The following WNT3 variants were observed in gnomAD, a reference collection of about 807,000 sequenced individuals.
The protein encoded by WNT3 is Wnt family member 3.
In WNT3, 7 loss-of-function variants were observed where a neutral mutation model predicts 34.2. The ratio of observed to expected loss-of-function variants is 0.20; its 90% CI spans 0.12 to 0.38. The LOEUF (loss-of-function observed/expected upper bound fraction) is 0.38. Ranked by LOEUF, WNT3 falls within the 10% of genes least tolerant of loss-of-function variation. The probability of loss-of-function intolerance (pLI) is 1.00; values close to 1 mark genes in which losing one functional copy is unlikely to be tolerated. For synonymous variants in WNT3, 212 were observed against 211.5 expected (o/e 1.00, Z -0.02); for missense variants, 267 against 499.8 (o/e 0.53, Z 4.44).
intron 1 of WNT3, among the ~76,000 whole-genome samples, chr17:46,789,117 G>T (rs560994736): frequency 1.3e-5 from 2 of 152,200 alleles, no homozygotes; most frequent in Admixed American, 6.5e-5. Context: ...AGCACAGTGC[G>T]TGGGGCACTC....
intron 1 of WNT3, among the ~76,000 whole-genome samples, chr17:46,788,456 T>C (rs1456875656): frequency 6.6e-6 from 1 of 152,118 alleles, no homozygotes; most frequent in East Asian, 1.9e-4. Context: ...CCAGTTCTGG[T>C]AAAAGACAAG....
At chr17:46,771,463 G>A (rs1192941769) in intron 2 of WNT3, among the ~76,000 whole-genome samples, 1 of 149,870 alleles carries the variant, frequency 6.7e-6, no homozygotes, top group Non-Finnish European at 1.5e-5. Flanking sequence ...CCGGGCCCCG[G>A]GCCGCGCTGG....
At chr17:46,777,214 A>T (rs199518) in intron 1 of WNT3, among the ~76,000 whole-genome samples, 1 of 151,726 alleles carries the variant, frequency 6.6e-6, no homozygotes, top group East Asian at 1.9e-4. Flanking sequence ...CGTCTCAAAA[A>T]AAAAAAAGAA....
In WNT3 at chr17:46,768,842, G is replaced by A. The variant is rs201164463; in HGVS notation, c.589-43C>T. 4.9e-5 allele frequency: 79 copies of A among 1,600,164 alleles called. No individual in the cohort carries two copies. The highest frequency in any genetic ancestry group is 6.2e-5 in the Non-Finnish European group (73 of 1,175,360). ...CAGCTGGCCAACAGACCGACCCCAC[G>A]AGGGGGCACATCCAGGCCTTCCCTC... On this transcript the variant is annotated intron_variant, in intron 3 of 4. Transcript: ENST00000225512. This position sits in a 1 kb window ranked among gnomAD's most constrained non-coding sequence, Gnocchi z 5.0.
chr17:46,803,968 G>A (rs2084160029), intron 1 of WNT3, among the ~76,000 whole-genome samples: 1 of 152,150 alleles, frequency 6.6e-6, no homozygotes, highest in Non-Finnish European at 1.5e-5. Flanking sequence ...GGTAAAGCGT[G>A]TTTTCCCTTA....
chr17:46,816,119 A>ACACACACACG (rs151269919), intron 1 of WNT3, among the ~76,000 whole-genome samples: 1 of 150,552 alleles, frequency 6.6e-6, no homozygotes, highest in African/African-American at 2.4e-5. Context: ...ACGTACACAC[A>ACACACACACG]CACACACACA....
chr17:46,812,533 C>G (rs529856442), intron 1 of WNT3, among the ~76,000 whole-genome samples: 1 of 152,162 alleles, frequency 6.6e-6, no homozygotes. Flanking sequence ...AGCCCCCTGG[C>G]TCTAGGTCCC....
At chr17:46,815,115 C>T (rs1446938608) in intron 1 of WNT3, among the ~76,000 whole-genome samples, 4 of 152,112 alleles carry the variant, frequency 2.6e-5, no homozygotes, top group Admixed American at 1.3e-4. Context: ...GCACGTCCAT[C>T]GCTGGAATGT....
chr17:46,778,568 A>G (rs1159946407), intron 1 of WNT3, among the ~76,000 whole-genome samples: 1 of 151,808 alleles, frequency 6.6e-6, no homozygotes, highest in African/African-American at 2.4e-5. Flanking sequence ...CTGAAATTCC[A>G]CCATCGCAGA....
Position 46,764,058 on chromosome 17 carries a change from T to C in WNT3, c.*572A>G, listed in dbSNP as rs1318077743. ...CCTACTCTAACAACTGCCACGGACCTTCCTACCACTTCATCCTAGCTAAAC... is the reference window on the plus strand; with the variant it reads ...CCTACTCTAACAACTGCCACGGACCCTCCTACCACTTCATCCTAGCTAAAC... On this transcript the variant is annotated 3_prime_UTR_variant, in exon 5 of 5. Coordinates refer to ENST00000225512, the MANE Select transcript of WNT3 (RefSeq NM_030753.5). 1 of 152,208 alleles carries C rather than the reference T, an allele frequency of 6.6e-6. No homozygotes were observed. Among genetic ancestry groups the C allele is most frequent in the Non-Finnish European group, 1.5e-5 (1 of 68,042 alleles). The allele number at this position is 152,208 out of a possible 1,614,324, so 9.4% of individuals were successfully genotyped here. A position where few individuals can be genotyped will look rare whatever the true frequency, so the allele number is the denominator to read the frequency against.
rs1223588575 is a variant in WNT3, at chr17:46,775,609, C to CTT, written c.81-1702_81-1701dup. On this transcript the variant is annotated intron_variant, in intron 1 of 4. Transcript: ENST00000225512. ...GAGAAAGAAGCAGCAGCCAGAAGTT[C>CTT]TTTTTTTTTTTTTTTTTTTTTTGAG... 6.0e-3 allele frequency among the ~76,000 whole-genome samples: 664 copies of CTT among 111,490 alleles called. 10 individuals carry two copies. The highest frequency in any genetic ancestry group is 0.015 in the African/African-American group (407 of 26,844). The allele number at this position is 111,490 out of a possible 152,430, so 73.1% of individuals were successfully genotyped here. A position where few individuals can be genotyped will look rare whatever the true frequency, so the allele number is the denominator to read the frequency against.
At chr17:46,779,281 G>C (rs184402647) in intron 1 of WNT3, among the ~76,000 whole-genome samples, 24 of 152,358 alleles carry the variant, frequency 1.6e-4, no homozygotes, top group Admixed American at 1.2e-3. Flanking sequence ...CGCTGAGGAA[G>C]TTCCTACGTT....
intron 1 of WNT3, among the ~76,000 whole-genome samples, chr17:46,789,501 T>A (rs1218568422): frequency 6.6e-6 from 1 of 152,174 alleles, no homozygotes; most frequent in African/African-American, 2.4e-5. Flanking sequence ...TAGAATGGTA[T>A]GAGATGATGC....
chr17:46,762,779 C>T lies in WNT3; in HGVS notation c.*1851G>A, dbSNP rs1426173742. 1 of 152,112 alleles carries T rather than the reference C, an allele frequency of 6.6e-6. No individual in the cohort carries two copies. Among genetic ancestry groups the T allele is most frequent in the Admixed American group, 6.6e-5 (1 of 15,250 alleles). 9.4% of individuals were successfully genotyped at this position (152,112 alleles called of 1,614,324 possible). ...ACTATTACCTGACTACGGCGAGAAT[C>T]ATTACAATGCACTCATGTACTATTA... is the stretch of plus-strand genomic sequence containing the variant. On this transcript the variant is annotated 3_prime_UTR_variant, in exon 5 of 5. Transcript: ENST00000225512.
chr17:46,798,038 C>G (rs1052375102), intron 1 of WNT3, among the ~76,000 whole-genome samples: 1 of 152,170 alleles, frequency 6.6e-6, no homozygotes, highest in Non-Finnish European at 1.5e-5. Flanking sequence ...AAGCGATTCT[C>G]CTGCCTCAGC....
chr17:46,768,697 C>G lies in WNT3; in HGVS notation c.691G>C (p.Gly231Arg). Residue 231 changes from glycine (G) to arginine (R), a missense_variant, in exon 4 of 5, where the codon GGT becomes CGT. Transcript: ENST00000225512. This position sits in a 1 kb window ranked among gnomAD's most constrained non-coding sequence, Gnocchi z 5.0. ...WWAQPDFRAI[G>R]DFLKDKYDSA... is the part of the protein sequence containing the mutation. The stretch of plus-strand genomic sequence containing the variant: ...TCATACTTGTCCTTGAGGAAGTCAC[C>G]GATGGCACGGAAGTCAGGCTGCGCC... 1 of 1,614,134 alleles carries G rather than the reference C, an allele frequency of 6.2e-7. No individual in the cohort carries two copies. The highest frequency in any genetic ancestry group is 8.5e-7 in the Non-Finnish European group (1 of 1,180,038).
intron 1 of WNT3, among the ~76,000 whole-genome samples, chr17:46,812,073 C>T (rs754664134): frequency 1.1e-4 from 16 of 152,320 alleles, no homozygotes; most frequent in South Asian, 6.2e-4. Flanking sequence ...TTTTCCAGCC[C>T]GTCGCCATCC....
At chr17:46,805,983 C>T (rs1466853210) in intron 1 of WNT3, among the ~76,000 whole-genome samples, 1 of 152,202 alleles carries the variant, frequency 6.6e-6, no homozygotes, top group Non-Finnish European at 1.5e-5. Context: ...CTCAGTTTCT[C>T]ATCTGTAGAA....
rs181267036 is a variant in WNT3, at chr17:46,803,694, T to C, written c.80+14824A>G. 2.4e-3 allele frequency among the ~76,000 whole-genome samples: 372 copies of C among 152,318 alleles called. 1 individual carries two copies. The highest frequency in any genetic ancestry group is 2.5e-3 in the Non-Finnish European group (172 of 68,028). On this transcript the variant is annotated intron_variant, in intron 1 of 4. Transcript: ENST00000225512. The stretch of plus-strand genomic sequence containing the variant: ...GCCTGCCCATCCCTTCTGCATCCCA[T>C]GCTGGAGGCCCCAGCCACACCCTCA...
Sources: gnomAD v4.1 joint callset for allele counts (sites outside exome capture counted in the v4.1 genomes callset) on GRCh38, gnomAD v4.1.1 for gene constraint, Gnocchi (gnomAD v3.1) non-coding constraint, MANE v1.5 for transcripts, NCBI Gene and HGNC (gene_info 2026-07-23, HGNC 2026-07-21) for gene names.